Variants in ELMO1 observed in about 807,000 individuals in gnomAD.
The protein encoded by ELMO1 is engulfment and cell motility 1.
A neutral mutation model predicts 98.9 loss-of-function variants in ELMO1; 26 were observed. That is an observed-to-expected ratio of 0.26 (90% CI 0.19 to 0.36). The LOEUF is 0.36. Among genes scored for constraint, ELMO1 ranks in the 10% least tolerant of loss-of-function variants. ELMO1 has a pLI of 1.00. For synonymous variants in ELMO1, 346 were observed against 346.0 expected (o/e 1.00, Z 0.00); for missense variants, 627 against 935.2 (o/e 0.67, Z 4.30).
At chr7:37,267,525 T>C (rs1009291338) in intron 5 of ELMO1, among the ~76,000 whole-genome samples, 2 of 152,236 alleles carry the variant, frequency 1.3e-5, no homozygotes, top group Non-Finnish European at 2.9e-5. Flanking sequence ...GCAGTACTGT[T>C]AAGACAAAGG....
At chr7:37,038,521 C>A (rs940904412) in intron 15 of ELMO1, among the ~76,000 whole-genome samples, 1 of 152,166 alleles carries the variant, frequency 6.6e-6, no homozygotes, top group African/African-American at 2.4e-5. Flanking sequence ...TCCTTCTTAC[C>A]ATAAAAGTCA....
intron 4 of ELMO1, among the ~76,000 whole-genome samples, chr7:37,298,486 A>C (rs1798176481): frequency 7.1e-6 from 1 of 141,400 alleles, no homozygotes; most frequent in African/African-American, 2.7e-5. Flanking sequence ...CCAGAGTGTG[A>C]TATTCCCCTT....
intron 4 of ELMO1, among the ~76,000 whole-genome samples, chr7:37,288,086 A>G (rs1437545926): frequency 6.6e-6 from 1 of 151,956 alleles, no homozygotes; most frequent in East Asian, 1.9e-4. Flanking sequence ...CAGTCTCCCA[A>G]GTAGTTTGGA....
chr7:37,281,934 T>G (rs1046890785), intron 4 of ELMO1, among the ~76,000 whole-genome samples: 2 of 152,280 alleles, frequency 1.3e-5, no homozygotes, highest in African/African-American at 4.8e-5. Context: ...TATTTACTCA[T>G]AGCCAGCAGT....
chr7:37,238,543 G>A (rs1349150837), intron 7 of ELMO1, among the ~76,000 whole-genome samples: 1 of 152,046 alleles, frequency 6.6e-6, no homozygotes, highest in Non-Finnish European at 1.5e-5. Context: ...TATGCTTTTA[G>A]TTTCTTTATT....
At chr7:36,895,262 AG>A (rs758040941) in intron 16 of ELMO1, among the ~76,000 whole-genome samples, 50 of 151,730 alleles carry the variant, frequency 3.3e-4, no homozygotes, top group Non-Finnish European at 3.2e-4. Flanking sequence ...GGGGAAGCTC[AG>A]GGTGGGAGGT....
At chr7:37,120,559 G>A (rs62445788) in intron 14 of ELMO1, among the ~76,000 whole-genome samples, 2,290 of 152,284 alleles carry the variant, frequency 0.015, 35 homozygotes, top group Non-Finnish European at 0.023. Flanking sequence ...AAACTTCAAC[G>A]CGGCAGCGAG....
chr7:37,196,944 T>C (rs1173132991), intron 13 of ELMO1, among the ~76,000 whole-genome samples: 1 of 152,206 alleles, frequency 6.6e-6, no homozygotes, highest in Non-Finnish European at 1.5e-5. Flanking sequence ...CTGCAGCTAT[T>C]TTCTGCAGCT....
intron 14 of ELMO1, 112 bp from the exon 15 acceptor site, chr7:37,096,839 G>A (rs930887450): frequency 1.3e-5 from 13 of 989,808 alleles, no homozygotes; most frequent in Non-Finnish European, 1.4e-5. Flanking sequence ...ATCCCCAAAC[G>A]AAGACTCTTG....
intron 16 of ELMO1, among the ~76,000 whole-genome samples, chr7:36,943,450 A>G (rs570676032): frequency 5.1e-4 from 78 of 152,286 alleles, no homozygotes; most frequent in African/African-American, 1.8e-3. Flanking sequence ...TTGGCATTTT[A>G]GATCTTCAGT....
chr7:37,291,944 CTCTGCCCACGG>C (rs1447653756), intron 4 of ELMO1, among the ~76,000 whole-genome samples: 1 of 51,004 alleles, frequency 2.0e-5, no homozygotes, highest in Non-Finnish European at 4.3e-5. Context: ...CTCCCTCTCC[CTCTGCCCACGG>C]TCTCCCTCTC....
At chr7:37,349,336 T>C (rs1801152737) in intron 1 of ELMO1, among the ~76,000 whole-genome samples, 1 of 152,216 alleles carries the variant, frequency 6.6e-6, no homozygotes, top group African/African-American at 2.4e-5. Context: ...TAGACCACAT[T>C]TTCCCCTTGC....
At chr7:36,873,227 G>A (rs1053434608) in intron 19 of ELMO1, among the ~76,000 whole-genome samples, 2 of 152,176 alleles carry the variant, frequency 1.3e-5, no homozygotes, top group Non-Finnish European at 2.9e-5. Flanking sequence ...AGAAGATTAG[G>A]CATTAGAAAG....
intron 13 of ELMO1, among the ~76,000 whole-genome samples, chr7:37,198,425 T>C (rs1792096260): frequency 6.6e-6 from 1 of 152,248 alleles, no homozygotes; most frequent in Admixed American, 6.5e-5. Context: ...CCAAGGCTTC[T>C]CAGAACTTAA....
intron 1 of ELMO1, among the ~76,000 whole-genome samples, chr7:37,347,635 C>T (rs961783506): frequency 6.6e-6 from 1 of 152,180 alleles, no homozygotes; most frequent in Non-Finnish European, 1.5e-5. Flanking sequence ...ATGTAAGAGC[C>T]TTCTGCCATG....
At chr7:36,942,020 T>C (rs1787084487) in intron 16 of ELMO1, among the ~76,000 whole-genome samples, 1 of 152,256 alleles carries the variant, frequency 6.6e-6, no homozygotes, top group Non-Finnish European at 1.5e-5. Context: ...AGCTTCGTGC[T>C]GAATGATTTC....
At chr7:36,907,760 C>T (rs1373822230) in intron 16 of ELMO1, among the ~76,000 whole-genome samples, 1 of 152,140 alleles carries the variant, frequency 6.6e-6, no homozygotes, top group Non-Finnish European at 1.5e-5. Flanking sequence ...GGCACATATC[C>T]CACCACTCCT....
chr7:36,989,502 G>A (rs928474886), intron 16 of ELMO1, among the ~76,000 whole-genome samples: 1 of 152,188 alleles, frequency 6.6e-6, no homozygotes, highest in Non-Finnish European at 1.5e-5. Flanking sequence ...GCTAAGAGAT[G>A]TTTTTGTAAA....
At chr7:37,128,021 C>T (rs1027388586) in intron 14 of ELMO1, among the ~76,000 whole-genome samples, 3 of 152,066 alleles carry the variant, frequency 2.0e-5, no homozygotes, top group East Asian at 3.9e-4. Context: ...GGCGAAACCC[C>T]ATCTCTACTA....
Sources: allele counts gnomAD v4.1 joint callset (sites outside exome capture counted in the v4.1 genomes callset), GRCh38; gene constraint gnomAD v4.1.1; transcripts MANE v1.5; gene names NCBI Gene and HGNC (gene_info 2026-07-23, HGNC 2026-07-21).